The following COG5 variants were observed in gnomAD, a reference collection of about 807,000 sequenced individuals.
COG5 encodes conserved oligomeric Golgi complex subunit 5.
COG5 carries 86 observed loss-of-function variants against 110.4 expected under a neutral mutation model. The ratio of observed to expected loss-of-function variants is 0.78; its 90% CI spans 0.65 to 0.93. The LOEUF is 0.93. Among genes scored for constraint, COG5 ranks in the 40% least tolerant of loss-of-function variants. COG5 has a pLI of 0.00. For synonymous variants in COG5, 360 were observed against 334.6 expected (o/e 1.08, Z -0.83); for missense variants, 1,077 against 987.0 (o/e 1.09, Z -1.22).
At chr7:107,351,988 G>A (rs1032808358) in intron 10 of COG5, among the ~76,000 whole-genome samples, 52 of 145,632 alleles carry the variant, frequency 3.6e-4, no homozygotes, top group African/African-American at 6.1e-4. Context: ...TATAAATCAC[G>A]CTGCTATAAA....
chr7:107,296,463 CCTCT>C (rs1282900625), intron 12 of COG5, among the ~76,000 whole-genome samples: 3 of 151,746 alleles, frequency 2.0e-5, no homozygotes, highest in Non-Finnish European at 2.9e-5. Context: ...TCTCTTTTGC[CCTCT>C]CTATTAGGAC....
intron 7 of COG5, among the ~76,000 whole-genome samples, chr7:107,390,359 TAA>T (rs1200779121): frequency 6.6e-6 from 1 of 152,014 alleles, no homozygotes; most frequent in African/African-American, 2.4e-5. Flanking sequence ...AAGGTATAGA[TAA>T]AAAAATTCTT....
At chr7:107,256,840 T>C in intron 15 of COG5, 46 bp from the exon 16 acceptor site, 1 of 1,336,262 alleles carries the variant, frequency 7.5e-7, no homozygotes, top group Non-Finnish European at 1.1e-6. Flanking sequence ...TAAGTCTATT[T>C]CTGTAAATAC....
intron 6 of COG5, among the ~76,000 whole-genome samples, chr7:107,433,054 G>A (rs989012664): frequency 1.3e-5 from 2 of 151,838 alleles, no homozygotes; most frequent in African/African-American, 4.8e-5. Context: ...AATCCAAAGA[G>A]GAAATTAAGA....
intron 6 of COG5, among the ~76,000 whole-genome samples, chr7:107,501,510 C>T (rs1483933341): frequency 1.3e-5 from 2 of 152,004 alleles, no homozygotes; most frequent in Non-Finnish European, 2.9e-5. Context: ...CGAAAAACAA[C>T]ATACTAATGT....
chr7:107,391,755 G>A (rs1032502100), intron 7 of COG5, among the ~76,000 whole-genome samples: 10 of 152,142 alleles, frequency 6.6e-5, no homozygotes, highest in African/African-American at 2.4e-4. Context: ...ACACACCAAA[G>A]TTTGAGAACC....
chr7:107,386,484 G>A (rs1280657167), intron 7 of COG5, among the ~76,000 whole-genome samples: 1 of 152,086 alleles, frequency 6.6e-6, no homozygotes, highest in East Asian at 1.9e-4. Context: ...ACGGACCGCC[G>A]AAAAGAAGTG....
At chr7:107,348,315 C>A (rs1811819459) in intron 10 of COG5, among the ~76,000 whole-genome samples, 1 of 151,862 alleles carries the variant, frequency 6.6e-6, no homozygotes, top group South Asian at 2.1e-4. Context: ...TTACAGAGGT[C>A]ATACTAGTTT....
chr7:107,403,887 A>C (rs559582400), intron 7 of COG5, among the ~76,000 whole-genome samples: 2 of 151,408 alleles, frequency 1.3e-5, no homozygotes, highest in Non-Finnish European at 2.9e-5. Flanking sequence ...TGCAAATTAC[A>C]GTTAGGTGAC....
At position 107,362,419 on chromosome 7, in the gene COG5, C is replaced by T; in HGVS notation, c.837G>A (p.Gly279=). Residue 279 remains glycine, a splice_region_variant and synonymous_variant, in exon 9 of 22, where the codon GGG becomes GGA. Transcript: ENST00000297135. The part of the protein sequence containing the change: ...LTQPSQSAVR[G]GPGRSTMPTP... ...TTGGCATGGTAGATCGTCCAGGTCC[C>T]CCTGGTTATGAGTGAGAAAGAACAA... is the stretch of plus-strand genomic sequence containing the variant. The T allele has an allele frequency of 1.9e-6, 3 of 1,606,210 alleles. No homozygotes were observed. The highest frequency in any genetic ancestry group is 2.6e-6 in the Non-Finnish European group (3 of 1,173,006).
intron 6 of COG5, among the ~76,000 whole-genome samples, chr7:107,415,898 A>G (rs1792761468): frequency 8.1e-6 from 1 of 122,704 alleles, no homozygotes; most frequent in Admixed American, 7.5e-5. Context: ...ACACACACAT[A>G]CACGTATGTA....
At chr7:107,205,781 T>C (rs923058727) in intron 21 of COG5, among the ~76,000 whole-genome samples, 3 of 152,062 alleles carry the variant, frequency 2.0e-5, no homozygotes, top group Non-Finnish European at 4.4e-5. Context: ...GGAAACCATC[T>C]TGGAGTCACA....
At chr7:107,213,393 T>C (rs1383600471) in intron 19 of COG5, among the ~76,000 whole-genome samples, 1 of 152,178 alleles carries the variant, frequency 6.6e-6, no homozygotes, top group East Asian at 1.9e-4. Flanking sequence ...GCCCATCCCA[T>C]GGTCCAGCCC....
intron 5 of COG5, among the ~76,000 whole-genome samples, chr7:107,546,880 A>C (rs1371891434): frequency 6.6e-6 from 1 of 152,190 alleles, no homozygotes; most frequent in East Asian, 1.9e-4. Context: ...TTAAATCAGT[A>C]ATAAAAAGTC....
At chr7:107,254,925 T>C (rs1284591826) in intron 16 of COG5, among the ~76,000 whole-genome samples, 6 of 152,248 alleles carry the variant, frequency 3.9e-5, no homozygotes, top group Non-Finnish European at 2.9e-5. Context: ...TTTTAAAAAG[T>C]AATAGACTAG....
intron 5 of COG5, among the ~76,000 whole-genome samples, chr7:107,527,562 A>G (rs148011299): frequency 8.3e-4 from 126 of 152,226 alleles, no homozygotes; most frequent in African/African-American, 2.9e-3. Flanking sequence ...ATGTGAATCT[A>G]CCCATTCTTT....
At chr7:107,502,844 C>T (rs1486818595) in intron 6 of COG5, among the ~76,000 whole-genome samples, 1 of 152,038 alleles carries the variant, frequency 6.6e-6, no homozygotes, top group Non-Finnish European at 1.5e-5. Flanking sequence ...TGTCATTTGC[C>T]CACTTTTTGG....
intron 10 of COG5, among the ~76,000 whole-genome samples, chr7:107,343,851 G>A (rs1811373279): frequency 6.6e-6 from 1 of 151,140 alleles, no homozygotes; most frequent in South Asian, 2.1e-4. Context: ...TACCAATGAT[G>A]AGTAATAGTT....
At chr7:107,539,436 G>T (rs1350012279) in intron 5 of COG5, among the ~76,000 whole-genome samples, 1 of 152,080 alleles carries the variant, frequency 6.6e-6, no homozygotes, top group Admixed American at 6.6e-5. Flanking sequence ...ACATTAAGAA[G>T]GCAAATACTA....
Sources: gnomAD v4.1 joint callset for allele counts (sites outside exome capture counted in the v4.1 genomes callset) on GRCh38, gnomAD v4.1.1 for gene constraint, MANE v1.5 for transcripts, NCBI Gene and HGNC (gene_info 2026-07-23, HGNC 2026-07-21) for gene names.